HGSNAT: variants seen among roughly 807,000 people sequenced by gnomAD.
The protein encoded by HGSNAT is heparan-alpha-glucosaminide N-acetyltransferase.
HGSNAT carries 59 observed loss-of-function variants against 85.2 expected under a neutral mutation model. The observed-to-expected ratio is 0.69, with a 90% CI of 0.56 to 0.86. The LOEUF is 0.86. Ranked by LOEUF, HGSNAT falls within the 40% of genes least tolerant of loss-of-function variation. The pLI is 0.00. For missense variants in HGSNAT, 756 were observed against 777.1 expected, an observed-to-expected ratio of 0.97 and a Z score of 0.32; for synonymous variants, 321 against 304.5, an observed-to-expected ratio of 1.05 and a Z score of -0.56.
At position 43,144,343 on chromosome 8, in the gene HGSNAT, A is replaced by T. The variant is rs893839081; in HGVS notation, c.119-2605A>T. Among the ~76,000 whole-genome samples the T allele has an allele frequency of 7.9e-3, 1,189 of 151,344 alleles. 14 individuals carry two copies. The highest frequency in any genetic ancestry group is 0.027 in the African/African-American group (1,093 of 41,162). On this transcript the variant is annotated intron_variant, in intron 1 of 17. Coordinates refer to ENST00000379644, the MANE Select transcript of HGSNAT (RefSeq NM_152419.3). Reference sequence around the variant, plus strand: ...CTGTCTCAAAAAAAAAAAAAAAAAAATTTTAACTGGATGTTCCCGATCCTG... The same window carrying T: ...CTGTCTCAAAAAAAAAAAAAAAAAATTTTTAACTGGATGTTCCCGATCCTG...
chr8:43,198,280 C>CTTTTTTTTTTTTT (rs59416007), intron 17 of HGSNAT, among the ~76,000 whole-genome samples: 2 of 90,332 alleles, frequency 2.2e-5, no homozygotes, highest in Non-Finnish European at 4.2e-5. Context: ...GTTTCTGGTT[C>CTTTTTTTTTTTTT]TTTTTTTTTT....
intron 2 of HGSNAT, among the ~76,000 whole-genome samples, chr8:43,155,465 T>C (rs1351791840): frequency 2.6e-5 from 4 of 152,232 alleles, no homozygotes; most frequent in Admixed American, 2.6e-4. Flanking sequence ...TGAGCCTTTT[T>C]TTTGCTATTG....
chr8:43,161,818 C>T (rs553784325), intron 5 of HGSNAT, among the ~76,000 whole-genome samples: 8 of 152,254 alleles, frequency 5.3e-5, no homozygotes, highest in Non-Finnish European at 1.2e-4. Flanking sequence ...AGAAGTGGCT[C>T]ATGACAATTT....
chr8:43,143,863 T>C (rs929005313), intron 1 of HGSNAT, among the ~76,000 whole-genome samples: 9 of 152,066 alleles, frequency 5.9e-5, no homozygotes, highest in Non-Finnish European at 1.0e-4. Flanking sequence ...AGCTATTTCA[T>C]AGGGCTCTTG....
intron 11 of HGSNAT, 119 bp downstream of exon 11, chr8:43,182,379 C>G: frequency 1.1e-6 from 1 of 870,324 alleles, no homozygotes; most frequent in Non-Finnish European, 1.9e-6. Flanking sequence ...TTCAAGTGAT[C>G]CTCCTGCCTT....
At chr8:43,156,319 T>C (rs1229082023) in intron 2 of HGSNAT, among the ~76,000 whole-genome samples, 2 of 152,192 alleles carry the variant, frequency 1.3e-5, no homozygotes, top group Non-Finnish European at 2.9e-5. Context: ...AATTTTTTCT[T>C]TTCTGAGACA....
chr8:43,178,505 T>G (rs1803892516), intron 10 of HGSNAT, among the ~76,000 whole-genome samples: 2 of 151,634 alleles, frequency 1.3e-5, no homozygotes, highest in South Asian at 4.2e-4. Context: ...CTCTGGATTA[T>G]CTGAGTGTAG....
chr8:43,188,627 A>G (rs190432716), intron 11 of HGSNAT, among the ~76,000 whole-genome samples: 1 of 152,196 alleles, frequency 6.6e-6, no homozygotes, highest in Non-Finnish European at 1.5e-5. Context: ...ATTACCATTC[A>G]TCTGAAGCCT....
Position 43,182,251 on chromosome 8 carries a change from T to C in HGSNAT, c.1119T>C (p.His373=), listed in dbSNP as rs769466056. 2 of 1,612,796 alleles carry C rather than the reference T, an allele frequency of 1.2e-6. No individual in the cohort carries two copies. The highest frequency in any genetic ancestry group is 3.3e-5 in the Admixed American group (2 of 60,012). Residue 373 remains histidine (H), a synonymous_variant, in exon 11 of 18, where the codon CAT becomes CAC. Transcript: ENST00000379644. ...ELLFAKPVPE[H]CASERSCLSL... is the part of the protein sequence containing the mutation. ...TCTTTGCTAAACCTGTGCCTGAACA[T>C]TGTGCCTCGGTGAGAAACCATGTTT... is the stretch of plus-strand genomic sequence containing the variant.
chr8:43,194,536 C>T (rs1804644792), intron 14 of HGSNAT: 23 of 982,510 alleles, frequency 2.3e-5, no homozygotes, highest in Non-Finnish European at 2.8e-5. Context: ...AACAAAATAC[C>T]CGAGACTGGG....
At chr8:43,172,710 C>A (rs1020985297) in intron 8 of HGSNAT, among the ~76,000 whole-genome samples, 2 of 152,118 alleles carry the variant, frequency 1.3e-5, no homozygotes, top group African/African-American at 4.8e-5. Context: ...TCTAGATATG[C>A]CTTCTATTAC....
intron 5 of HGSNAT, among the ~76,000 whole-genome samples, chr8:43,167,587 A>G (rs1233043164): frequency 6.6e-6 from 1 of 152,256 alleles, no homozygotes; most frequent in Non-Finnish European, 1.5e-5. Context: ...AGTGTAATAT[A>G]TAACTTTTAT....
intron 5 of HGSNAT, among the ~76,000 whole-genome samples, chr8:43,164,907 C>T (rs1436288735): frequency 6.6e-6 from 1 of 151,974 alleles, no homozygotes; most frequent in East Asian, 1.9e-4. Context: ...TAGAGAGGCC[C>T]AAAGAGAGGG....
At chr8:43,157,581 G>A (rs1166843993) in intron 2 of HGSNAT, among the ~76,000 whole-genome samples, 1 of 152,104 alleles carries the variant, frequency 6.6e-6, no homozygotes, top group African/African-American at 2.4e-5. Flanking sequence ...TTCAAGACAA[G>A]CCTGGGCAAC....
At position 43,161,366 on chromosome 8, in the gene HGSNAT, G is replaced by T. The variant is rs554977393; in HGVS notation, c.494-72G>T. 5 of 1,203,194 alleles carry T rather than the reference G, an allele frequency of 4.2e-6. No homozygotes were observed. The African/African-American group carries it at 7.5e-5, about 18-fold the overall frequency. 74.5% of individuals were successfully genotyped at this position (1,203,194 alleles called of 1,614,324 possible). On this transcript the variant is annotated intron_variant, in intron 4 of 17. Coordinates refer to ENST00000379644, the MANE Select transcript of HGSNAT (RefSeq NM_152419.3). The stretch of plus-strand genomic sequence containing the variant: ...CACTGGTTTTCATTTATAGATAAAT[G>T]TAATGATGTGATGTCTTTGATGTTC...
intron 11 of HGSNAT, among the ~76,000 whole-genome samples, chr8:43,187,069 G>T (rs1804340815): frequency 6.6e-6 from 1 of 152,152 alleles, no homozygotes; most frequent in Admixed American, 6.5e-5. Context: ...CAACTATGTG[G>T]TCAATTTTGG....
chr8:43,145,576 C>T (rs879700615), intron 1 of HGSNAT, among the ~76,000 whole-genome samples: 3 of 152,048 alleles, frequency 2.0e-5, no homozygotes, highest in Non-Finnish European at 2.9e-5. Context: ...TGTGGTGAAA[C>T]CCCGTCACTA....
chr8:43,159,176 G>A (rs953978875), intron 4 of HGSNAT, 132 bp downstream of exon 4: 1 of 733,596 alleles, frequency 1.4e-6, no homozygotes, highest in Non-Finnish European at 2.1e-6. Context: ...TCATTGATGA[G>A]CACCACTCCC....
chr8:43,154,644 G>T (rs1455592770), intron 2 of HGSNAT, among the ~76,000 whole-genome samples: 1 of 151,992 alleles, frequency 6.6e-6, no homozygotes, highest in Non-Finnish European at 1.5e-5. Flanking sequence ...GAATAGTGCC[G>T]CAATAAACAT....
Sources: gnomAD v4.1 joint callset for allele counts (sites outside exome capture counted in the v4.1 genomes callset) on GRCh38, gnomAD v4.1.1 for gene constraint, MANE v1.5 for transcripts, NCBI Gene and HGNC (gene_info 2026-07-23, HGNC 2026-07-21) for gene names.